The following CIB3 variants were observed in gnomAD, a reference collection of about 807,000 sequenced individuals.
The protein encoded by CIB3 is calcium and integrin binding family member 3.
In CIB3, 22 loss-of-function variants were observed where a neutral mutation model predicts 23.4. That is an observed-to-expected ratio of 0.94 (90% CI 0.67 to 1.34). The LOEUF (loss-of-function observed/expected upper bound fraction) is 1.34, where lower values mean the gene tolerates loss of function less well. Among genes scored for constraint, CIB3 ranks in the 40% most tolerant of loss-of-function variants. The probability of loss-of-function intolerance (pLI) is 0.00; values close to 1 mark genes in which losing one functional copy is unlikely to be tolerated. For synonymous variants in CIB3, 93 were observed against 95.8 expected (o/e 0.97, Z 0.17); for missense variants, 258 against 247.3 (o/e 1.04, Z -0.29).
At chr19:16,168,107 TG>T (rs770985923) in intron 4 of CIB3, 29 bp downstream of exon 4, 1 of 722,980 alleles carries the variant, frequency 1.4e-6, no homozygotes, top group South Asian at 1.4e-5. Context: ...CCCATCCCCA[TG>T]CTTCCCAACC....
intron 5 of CIB3, among the ~76,000 whole-genome samples, chr19:16,162,714 C>T (rs2091289604): frequency 6.6e-6 from 1 of 151,974 alleles, no homozygotes; most frequent in Admixed American, 6.6e-5. Context: ...GAGATCGTGC[C>T]ACTGCACTCC....
At position 16,168,258 on chromosome 19, in the gene CIB3, G is replaced by A; in HGVS notation, c.225C>T (p.Ala75=). 1.9e-6 allele frequency: 3 copies of A among 1,613,910 alleles called. No homozygotes were observed. The highest frequency in any genetic ancestry group is 2.2e-5 in the East Asian group (1 of 44,878). Residue 75 remains alanine (A), a synonymous_variant, in exon 4 of 6, where the codon GCC becomes GCT. Transcript: ENST00000269878. ...LKDNPFRQRI[A]QVFSEDGDGH... ...CATCCCCATCCTCAGAGAATACCTG[G>A]GCAATCCTCTGGCGGAAGGGGTTGT...
chr19:16,168,499 A>G (rs1205755429), intron 3 of CIB3, among the ~76,000 whole-genome samples: 1 of 152,210 alleles, frequency 6.6e-6, no homozygotes, highest in Non-Finnish European at 1.5e-5. Context: ...CTCTTGGAGC[A>G]GCCATGTGAC....
chr19:16,171,189 A>G (rs1490787246), intron 2 of CIB3, among the ~76,000 whole-genome samples: 2 of 152,028 alleles, frequency 1.3e-5, no homozygotes, highest in East Asian at 3.9e-4. Context: ...GAAAAGAAGA[A>G]AGAAAGAAAA....
chr19:16,165,292 CAAA>C (rs71178645), intron 4 of CIB3, among the ~76,000 whole-genome samples: 1 of 79,992 alleles, frequency 1.3e-5, no homozygotes, highest in Non-Finnish European at 2.2e-5. Flanking sequence ...AAACTCCGTC[CAAA>C]AAAAAAAAAA....
rs561459196 is a variant in CIB3, at chr19:16,169,690, A to G, written c.138T>C (p.Tyr46=). The G allele has an allele frequency of 3.7e-6, 6 of 1,613,716 alleles. No homozygotes were observed. The highest frequency in any genetic ancestry group is 1.1e-5 in the South Asian group (1 of 91,070). ...DLAPQLVPLD[Y]TTCPDVKVPY... is the part of the protein sequence containing the mutation. ...GCACCTTCACATCGGGGCAGGTGGTATAGTCGAGGGGCACGAGCTGTGGGG... is the reference window on the plus strand; with the variant it reads ...GCACCTTCACATCGGGGCAGGTGGTGTAGTCGAGGGGCACGAGCTGTGGGG... The change falls in exon 3 of 6, where the codon TAT becomes TAC. Residue 46 remains tyrosine, a synonymous_variant. Transcript: ENST00000269878.
intron 4 of CIB3, 64 bp from the exon 5 acceptor site, chr19:16,164,977 C>T: frequency 7.2e-7 from 1 of 1,383,792 alleles, no homozygotes; most frequent in East Asian, 2.3e-5. Flanking sequence ...GCTGTGGGCA[C>T]ATACTGTGCC....
At chr19:16,161,765 C>G (rs769600766) in intron 5 of CIB3, among the ~76,000 whole-genome samples, 5 of 142,674 alleles carry the variant, frequency 3.5e-5, no homozygotes, top group Admixed American at 7.7e-5. Flanking sequence ...GCAACCTCTG[C>G]CTCCTGGGTT....
intron 4 of CIB3, among the ~76,000 whole-genome samples, chr19:16,167,415 A>G (rs898282849): frequency 2.0e-5 from 3 of 152,220 alleles, no homozygotes; most frequent in African/African-American, 7.2e-5. Context: ...GTCAATAAGA[A>G]GTGAACAGGT....
At chr19:16,162,243 CAAAAAAAAAAA>C (rs79329568) in intron 5 of CIB3, among the ~76,000 whole-genome samples, 1 of 52,490 alleles carries the variant, frequency 1.9e-5, no homozygotes, top group Non-Finnish European at 3.9e-5. Flanking sequence ...CTTGTCTCCA[CAAAAAAAAAAA>C]AAAAAAAAAA....
chr19:16,163,233 T>G (rs1356913532), intron 5 of CIB3, among the ~76,000 whole-genome samples: 1 of 152,126 alleles, frequency 6.6e-6, no homozygotes, highest in Non-Finnish European at 1.5e-5. Flanking sequence ...CACTGCAGTC[T>G]GGGTCACTGA....
chr19:16,169,300 C>T (rs1599436782), intron 3 of CIB3, among the ~76,000 whole-genome samples: 1 of 151,448 alleles, frequency 6.6e-6, no homozygotes, highest in East Asian at 1.9e-4. Context: ...TGCACTACCA[C>T]GCCCAGCTAA....
chr19:16,162,100 A>G (rs995756129), intron 5 of CIB3, among the ~76,000 whole-genome samples: 1 of 151,992 alleles, frequency 6.6e-6, no homozygotes, highest in African/African-American at 2.4e-5. Context: ...CTCATCATAC[A>G]TTATATGTAT....
At chr19:16,163,227 G>A (rs1217705266) in intron 5 of CIB3, among the ~76,000 whole-genome samples, 1 of 152,096 alleles carries the variant, frequency 6.6e-6, no homozygotes, top group Non-Finnish European at 1.5e-5. Context: ...ACCATGCACT[G>A]CAGTCTGGGT....
At chr19:16,161,784 T>C (rs1568335970) in intron 5 of CIB3, among the ~76,000 whole-genome samples, 1 of 151,034 alleles carries the variant, frequency 6.6e-6, no homozygotes, top group Non-Finnish European at 1.5e-5. Context: ...TTCAAGTGAT[T>C]CTCATGCCTC....
Position 16,161,484 on chromosome 19 carries a change from G to C in CIB3, c.545C>G (p.Thr182Ser). The change falls in exon 6 of 6, where the codon ACC becomes AGC. Residue 182 changes from threonine to serine, a missense_variant and splice_region_variant. Transcript: ENST00000269878. ...GTGCCATCAGATTCGGATGTGGAAG[G>C]TGCTGTGTGCAGAGAGAAAAGGAGT... ...MILRAPDFLS[T>S]FHIRI 4 of 1,613,958 alleles carry C rather than the reference G, an allele frequency of 2.5e-6. No individual in the cohort carries two copies. Among genetic ancestry groups the C allele is most frequent in the Non-Finnish European group, 3.4e-6 (4 of 1,179,976 alleles).
In CIB3 at chr19:16,169,882, C is replaced by A. The variant is rs911886115; in HGVS notation, c.87-141G>T. The A allele has an allele frequency of 1.2e-4, 78 of 627,950 alleles. 3 individuals are homozygous for A. The South Asian group carries it at 1.3e-3, about 10-fold the overall frequency. 38.9% of individuals were successfully genotyped at this position (627,950 alleles called of 1,614,324 possible). A position where few individuals can be genotyped will look rare whatever the true frequency, so the allele number is the denominator to read the frequency against. On this transcript the variant is annotated intron_variant, in intron 2 of 5. Transcript: ENST00000269878. Reference sequence around the variant, plus strand: ...TGGCACAATCTCGGCTCACTGTAACCTCTGCCTCCCGGGTTCAAGCAATTC... The same window carrying A: ...TGGCACAATCTCGGCTCACTGTAACATCTGCCTCCCGGGTTCAAGCAATTC...
chr19:16,172,996 AGG>A (rs777700106), intron 2 of CIB3, among the ~76,000 whole-genome samples, 164 bp downstream of exon 2: 18 of 142,430 alleles, frequency 1.3e-4, no homozygotes, highest in Non-Finnish European at 2.4e-4. Flanking sequence ...GGAGGGAGGG[AGG>A]GAGAGAGAGA....
At position 16,173,177 on chromosome 19, in the gene CIB3, C is replaced by G. The variant is rs1408096346; in HGVS notation, c.71G>C (p.Arg24Thr). The G allele has an allele frequency of 2.5e-6, 4 of 1,613,792 alleles. No individual in the cohort carries two copies. The highest frequency in any genetic ancestry group is 1.3e-5 in the African/African-American group (1 of 74,916). The part of the protein sequence containing the change: ...EAYQDCTFFT[R>T]KEIMRLFYRY... Reference sequence around the variant, plus strand: ...CTGGACTGACCTCATGATCTCCTTCCTTGTGAAAAATGTGCAGTCCTGTGG... The same window carrying G: ...CTGGACTGACCTCATGATCTCCTTCGTTGTGAAAAATGTGCAGTCCTGTGG... Residue 24 changes from arginine to threonine, a missense_variant, in exon 2 of 6, where the codon AGG (arginine) becomes ACG (threonine). Physicochemically the swap from Arg to Thr is moderately conservative, Grantham distance 71. Transcript: ENST00000269878.
Sources: allele counts gnomAD v4.1 joint callset (sites outside exome capture counted in the v4.1 genomes callset), GRCh38; gene constraint gnomAD v4.1.1; transcripts MANE v1.5; gene names NCBI Gene and HGNC (gene_info 2026-07-23, HGNC 2026-07-21).